The following LINGO2 variants were observed in gnomAD, a reference collection of about 807,000 sequenced individuals.
LINGO2 encodes the protein leucine rich repeat and Ig domain containing 2, also known as leucine-rich repeat and immunoglobulin-like domain-containing nogo receptor-interacting protein 2.
In LINGO2, 14 loss-of-function variants were observed where a neutral mutation model predicts 30.6. The ratio of observed to expected loss-of-function variants is 0.46; its 90% CI spans 0.30 to 0.72. LINGO2 has a LOEUF of 0.72. LINGO2 is among the 30% of genes least tolerant of loss of function. The pLI is 0.07. For synonymous variants in LINGO2, 317 were observed against 288.5 expected (o/e 1.10, Z -1.00); for missense variants, 729 against 751.7 (o/e 0.97, Z 0.35).
chr9:28,434,647 T>C (rs1485038134), intron 2 of LINGO2, among the ~76,000 whole-genome samples: 4 of 152,124 alleles, frequency 2.6e-5, no homozygotes, highest in African/African-American at 9.7e-5. Context: ...ATACATTCGT[T>C]ATTCTCTTAT....
chr9:29,011,998 A>T, the LINGO2 span, among the ~76,000 whole-genome samples: 1 of 152,186 alleles, frequency 6.6e-6, no homozygotes, highest in Non-Finnish European at 1.5e-5. Context: ...CACATTTATC[A>T]GTGCTATGTT....
At chr9:29,044,853 T>G in the LINGO2 span, among the ~76,000 whole-genome samples, 3 of 152,058 alleles carry the variant, frequency 2.0e-5, no homozygotes, top group South Asian at 6.2e-4. Flanking sequence ...TAAGATAAAG[T>G]TTACTTTATA....
chr9:28,010,999 A>T (rs926314429), intron 5 of LINGO2, among the ~76,000 whole-genome samples: 3 of 152,190 alleles, frequency 2.0e-5, no homozygotes, highest in Non-Finnish European at 4.4e-5. Context: ...TCCAATCTTA[A>T]CATTATCCAC....
chr9:28,476,315 G>T (rs1028590471), intron 1 of LINGO2, among the ~76,000 whole-genome samples: 1 of 151,922 alleles, frequency 6.6e-6, no homozygotes, highest in Admixed American at 6.6e-5. Context: ...TCGCTCTGTC[G>T]CCCAGGCTGG....
intron 4 of LINGO2, among the ~76,000 whole-genome samples, chr9:28,233,909 C>T (rs555896174): frequency 6.6e-6 from 1 of 152,278 alleles, no homozygotes; most frequent in South Asian, 2.1e-4. Context: ...ACTAAAGAGC[C>T]CTTGGGCCCT....
intron 1 of LINGO2, among the ~76,000 whole-genome samples, chr9:28,540,067 T>C (rs1391949896): frequency 6.6e-6 from 1 of 152,058 alleles, no homozygotes; most frequent in Admixed American, 6.6e-5. Context: ...ATGAGGGAGA[T>C]AGGAAGTCTA....
At chr9:28,600,654 C>G (rs1021482546) in intron 1 of LINGO2, among the ~76,000 whole-genome samples, 1 of 151,918 alleles carries the variant, frequency 6.6e-6, no homozygotes, top group Non-Finnish European at 1.5e-5. Context: ...TCAAAATGAG[C>G]TACAAAACAA....
chr9:28,281,861 A>G (rs1221032256), intron 4 of LINGO2, among the ~76,000 whole-genome samples: 1 of 152,104 alleles, frequency 6.6e-6, no homozygotes, highest in Non-Finnish European at 1.5e-5. Context: ...AGTATATTCT[A>G]AAACTAGTGA....
chr9:28,259,780 A>C (rs1426544323), intron 4 of LINGO2, among the ~76,000 whole-genome samples: 6 of 151,914 alleles, frequency 3.9e-5, no homozygotes, highest in Non-Finnish European at 8.8e-5. Context: ...GGAACACTAA[A>C]GAAAAGATTA....
At chr9:28,288,313 T>G (rs1243448555) in intron 4 of LINGO2, among the ~76,000 whole-genome samples, 1 of 152,162 alleles carries the variant, frequency 6.6e-6, no homozygotes, top group Admixed American at 6.5e-5. Context: ...TTTGTCAGAC[T>G]GTACTCTGAG....
intron 3 of LINGO2, among the ~76,000 whole-genome samples, chr9:28,331,995 A>C (rs1825437677): frequency 6.6e-6 from 1 of 152,188 alleles, no homozygotes; most frequent in Non-Finnish European, 1.5e-5. Context: ...TTTGTAGATA[A>C]TAAAGTTCTT....
intron 5 of LINGO2, among the ~76,000 whole-genome samples, chr9:27,985,918 A>T (rs1382154322): frequency 6.6e-6 from 1 of 151,828 alleles, no homozygotes; most frequent in Admixed American, 6.6e-5. Context: ...GATGGACTGG[A>T]ACTGAGGATT....
At chr9:28,000,813 A>T (rs997301984) in intron 5 of LINGO2, among the ~76,000 whole-genome samples, 1 of 152,224 alleles carries the variant, frequency 6.6e-6, no homozygotes, top group African/African-American at 2.4e-5. Flanking sequence ...CTCTAGCCTG[A>T]TAGAAACTTT....
At chr9:28,920,234 A>T in the LINGO2 span, among the ~76,000 whole-genome samples, 1 of 152,042 alleles carries the variant, frequency 6.6e-6, no homozygotes, top group African/African-American at 2.4e-5. Flanking sequence ...CACCTGATGA[A>T]GTCTGGTACC....
chr9:29,110,098 G>A, the LINGO2 span, among the ~76,000 whole-genome samples: 1 of 150,424 alleles, frequency 6.6e-6, no homozygotes, highest in Non-Finnish European at 1.5e-5. Flanking sequence ...AAAGAACTAG[G>A]CATGGTTAGT....
At chr9:29,118,140 A>G in the LINGO2 span, among the ~76,000 whole-genome samples, 1 of 152,130 alleles carries the variant, frequency 6.6e-6, no homozygotes, top group Admixed American at 6.5e-5. Context: ...GGAAAGGGTG[A>G]GAGTTTCTTC....
the LINGO2 span, among the ~76,000 whole-genome samples, chr9:29,146,274 T>C: frequency 2.0e-5 from 3 of 152,010 alleles, no homozygotes; most frequent in Admixed American, 2.0e-4. Context: ...GAGAATCGGT[T>C]GAACCAGGAG....
the LINGO2 span, among the ~76,000 whole-genome samples, chr9:29,102,230 C>A: frequency 6.6e-6 from 1 of 151,880 alleles, no homozygotes; most frequent in African/African-American, 2.4e-5. Flanking sequence ...TACAGGTGCC[C>A]GTCACCATGC....
the LINGO2 span, among the ~76,000 whole-genome samples, chr9:28,993,142 G>T: frequency 6.6e-6 from 1 of 151,982 alleles, no homozygotes; most frequent in Non-Finnish European, 1.5e-5. Context: ...GAAGAAAAGA[G>T]AGAAGAATCA....
Sources: gnomAD v4.1 joint callset for allele counts (sites outside exome capture counted in the v4.1 genomes callset) on GRCh38, gnomAD v4.1.1 for gene constraint, MANE v1.5 for transcripts, NCBI Gene and HGNC (gene_info 2026-07-23, HGNC 2026-07-21) for gene names.